The following WWOX variants were observed in gnomAD, a reference collection of about 807,000 sequenced individuals.
WWOX encodes WW domain-containing oxidoreductase.
A neutral mutation model predicts 46.2 loss-of-function variants in WWOX; 69 were observed. The observed-to-expected ratio is 1.49, with a 90% confidence interval of 1.23 to 1.82. WWOX has a LOEUF of 1.82. WWOX is among the 40% of genes most tolerant of loss of function. The pLI is 0.00. For missense variants in WWOX, 919 were observed against 542.6 expected (o/e 1.69, Z -6.89); for synonymous variants, 359 against 202.6 (o/e 1.77, Z -6.56).
At chr16:79,050,946 A>T (rs2048154937) in intron 8 of WWOX, among the ~76,000 whole-genome samples, 1 of 152,248 alleles carries the variant, frequency 6.6e-6, no homozygotes, top group South Asian at 2.1e-4. Context: ...GAGAAATTAC[A>T]GCCCAGATTA....
At chr16:79,046,126 G>A (rs761209375) in intron 8 of WWOX, among the ~76,000 whole-genome samples, 2 of 152,008 alleles carry the variant, frequency 1.3e-5, no homozygotes, top group Non-Finnish European at 2.9e-5. Context: ...TATATTGTAG[G>A]GATAATAATC....
chr16:78,428,202 G>C (rs1047196095), intron 7 of WWOX, among the ~76,000 whole-genome samples: 3 of 152,240 alleles, frequency 2.0e-5, no homozygotes, highest in African/African-American at 7.2e-5. Flanking sequence ...GTACTAGTAA[G>C]GGAAAATTCT....
intron 8 of WWOX, among the ~76,000 whole-genome samples, chr16:78,933,682 G>C (rs2045672227): frequency 6.6e-6 from 1 of 152,184 alleles, no homozygotes; most frequent in South Asian, 2.1e-4. Context: ...TACGGGGGCA[G>C]ACAAGAGAGG....
intron 8 of WWOX, among the ~76,000 whole-genome samples, chr16:78,983,050 C>G (rs2046713884): frequency 6.6e-6 from 1 of 152,116 alleles, no homozygotes; most frequent in African/African-American, 2.4e-5. Flanking sequence ...TATTGTGGGT[C>G]TCCTGTAGTC....
chr16:78,361,576 G>A (rs979319785), intron 5 of WWOX, among the ~76,000 whole-genome samples: 8 of 152,022 alleles, frequency 5.3e-5, no homozygotes, highest in Non-Finnish European at 1.0e-4. Context: ...GAATTCTTCT[G>A]AAGAAAGAGC....
chr16:78,935,838 G>A (rs1382669289), intron 8 of WWOX, among the ~76,000 whole-genome samples: 1 of 152,122 alleles, frequency 6.6e-6, no homozygotes, highest in Non-Finnish European at 1.5e-5. Flanking sequence ...CTTCAGCTCA[G>A]GTGGTAGAGG....
At chr16:78,537,883 G>A (rs934362074) in intron 8 of WWOX, among the ~76,000 whole-genome samples, 10 of 152,150 alleles carry the variant, frequency 6.6e-5, no homozygotes, top group East Asian at 1.9e-4. Context: ...GGCCTTCTCC[G>A]GAAGGTTGTC....
chr16:79,052,242 A>G (rs1363983974), intron 8 of WWOX, among the ~76,000 whole-genome samples: 1 of 124,288 alleles, frequency 8.0e-6, no homozygotes, highest in Non-Finnish European at 1.6e-5. Context: ...TCCTGTGTCC[A>G]TGTGATCTCA....
intron 4 of WWOX, among the ~76,000 whole-genome samples, chr16:78,120,016 C>G (rs1016751914): frequency 6.6e-6 from 1 of 152,164 alleles, no homozygotes. Context: ...CCAAAGGACC[C>G]ATTAACAGAA....
intron 8 of WWOX, among the ~76,000 whole-genome samples, chr16:78,613,512 T>G (rs773978164): frequency 2.0e-5 from 3 of 152,178 alleles, no homozygotes; most frequent in Non-Finnish European, 4.4e-5. Flanking sequence ...GGGACATTTA[T>G]GCTTTCTCCC....
chr16:78,348,223 G>T lies in WWOX; in HGVS notation c.517-38637G>T, dbSNP rs1288025618. Among the ~76,000 whole-genome samples the T allele has an allele frequency of 5.8e-5, 7 of 121,624 alleles. 1 individual carries two copies. Among genetic ancestry groups the T allele is most frequent in the Non-Finnish European group, 1.2e-4 (6 of 50,886 alleles). 79.8% of individuals were successfully genotyped at this position (121,624 alleles called of 152,430 possible). A position where few individuals can be genotyped will look rare whatever the true frequency, so the allele number is the denominator to read the frequency against. On this transcript the variant is annotated intron_variant, in intron 5 of 8. Coordinates refer to ENST00000566780, the MANE Select transcript of WWOX (RefSeq NM_016373.4). ...TTCTTAACAAGGCAGAAGCCCAGAA[G>T]AGACTTCATGTACTGTGACTGTAAT...
At chr16:79,053,392 G>C (rs2048205997) in intron 8 of WWOX, among the ~76,000 whole-genome samples, 1 of 152,110 alleles carries the variant, frequency 6.6e-6, no homozygotes, top group Non-Finnish European at 1.5e-5. Context: ...AACAATCCTG[G>C]AGTGAATTTT....
intron 8 of WWOX, among the ~76,000 whole-genome samples, chr16:78,658,703 G>T (rs756768196): frequency 6.6e-6 from 1 of 152,062 alleles, no homozygotes; most frequent in Non-Finnish European, 1.5e-5. Context: ...TTCCTATAGG[G>T]ACTCAAGTCA....
intron 8 of WWOX, among the ~76,000 whole-genome samples, chr16:78,916,168 T>C (rs2045246862): frequency 6.6e-6 from 1 of 152,158 alleles, no homozygotes; most frequent in Non-Finnish European, 1.5e-5. Flanking sequence ...AGCCGAATCC[T>C]AAACACGCTG....
chr16:78,859,332 C>T (rs992936632), intron 8 of WWOX, among the ~76,000 whole-genome samples: 1 of 151,886 alleles, frequency 6.6e-6, no homozygotes, highest in African/African-American at 2.4e-5. Context: ...CTCCCTACTC[C>T]CTTCCTGCAA....
intron 8 of WWOX, among the ~76,000 whole-genome samples, chr16:78,909,884 G>C (rs2045064007): frequency 6.6e-6 from 1 of 152,116 alleles, no homozygotes; most frequent in African/African-American, 2.4e-5. Context: ...TTATTCCTTA[G>C]GCATCCGTTT....
chr16:78,165,802 G>A (rs1229096128), intron 5 of WWOX, among the ~76,000 whole-genome samples: 8 of 152,184 alleles, frequency 5.3e-5, no homozygotes, highest in Admixed American at 5.2e-4. Flanking sequence ...TATTTATGAT[G>A]AAATATTTGA....
At chr16:78,597,288 A>G (rs1272645890) in intron 8 of WWOX, among the ~76,000 whole-genome samples, 4 of 152,180 alleles carry the variant, frequency 2.6e-5, no homozygotes, top group East Asian at 1.9e-4. Flanking sequence ...CAGTCAATCA[A>G]TTAAACGGAT....
At chr16:78,496,315 T>C (rs1043294406) in intron 8 of WWOX, 2 of 152,268 alleles carry the variant, frequency 1.3e-5, no homozygotes, top group African/African-American at 2.4e-5. Context: ...ATCACTGATG[T>C]TCTGCCTCCT....
Sources: gnomAD v4.1 joint callset for allele counts (sites outside exome capture counted in the v4.1 genomes callset) on GRCh38, gnomAD v4.1.1 for gene constraint, MANE v1.5 for transcripts, NCBI Gene and HGNC (gene_info 2026-07-23, HGNC 2026-07-21) for gene names.